Variants in SSBP2 observed in about 807,000 individuals in gnomAD.
SSBP2 encodes single-stranded DNA-binding protein 2.
A neutral mutation model predicts 61.8 loss-of-function variants in SSBP2; 17 were observed. The ratio of observed to expected loss-of-function variants is 0.28; its 90% CI spans 0.19 to 0.41. SSBP2 has a LOEUF of 0.41. Among genes scored for constraint, SSBP2 ranks in the 10% least tolerant of loss-of-function variants. The probability of loss-of-function intolerance (pLI) is 1.00; values close to 1 mark genes in which losing one functional copy is unlikely to be tolerated. For synonymous variants in SSBP2, 139 were observed against 141.3 expected, an observed-to-expected ratio of 0.98 and a Z score of 0.12; for missense variants, 310 against 458.7, an observed-to-expected ratio of 0.68 and a Z score of 2.96.
chr5:81,481,032 AG>A (rs1274855892), intron 6 of SSBP2, among the ~76,000 whole-genome samples: 1 of 152,214 alleles, frequency 6.6e-6, no homozygotes, highest in Non-Finnish European at 1.5e-5. Context: ...GTGGCAATTC[AG>A]TCACATCTTC....
At chr5:81,439,350 T>G (rs2153953102) in intron 14 of SSBP2, among the ~76,000 whole-genome samples, 1 of 152,296 alleles carries the variant, frequency 6.6e-6, no homozygotes, top group Middle Eastern at 3.4e-3. Context: ...TTGACCTATG[T>G]GAATGCAAAA....
chr5:81,552,681 A>C (rs1365530323), intron 4 of SSBP2, among the ~76,000 whole-genome samples: 1 of 151,870 alleles, frequency 6.6e-6, no homozygotes, highest in African/African-American at 2.4e-5. Context: ...AAAAAAACCC[A>C]AAGTAAAACA....
chr5:81,500,532 C>T (rs1767627809), intron 5 of SSBP2, among the ~76,000 whole-genome samples: 1 of 152,112 alleles, frequency 6.6e-6, no homozygotes, highest in African/African-American at 2.4e-5. Flanking sequence ...ACAATCTCGG[C>T]TCACTGCAAC....
At position 81,429,596 on chromosome 5, in the gene SSBP2, TTTTTTAG is replaced by T. The variant is rs1212846138; in HGVS notation, c.958-920_958-914del. Among the ~76,000 whole-genome samples the T allele has an allele frequency of 3.3e-5, 5 of 152,182 alleles. No homozygotes were observed. In the East Asian group the frequency reaches 9.6e-4, roughly 29 times the overall value. ...TAAAAAAAAACTTCAGAGTTAAACA[TTTTTTAG>T]TTGTTATTTCAAATGGAAGAAATAA... is the stretch of plus-strand genomic sequence containing the variant. On this transcript the variant is annotated intron_variant, in intron 15 of 16. Coordinates refer to ENST00000320672, the MANE Select transcript of SSBP2 (RefSeq NM_012446.5).
chr5:81,697,326 C>T lies in SSBP2; in HGVS notation c.63-46987G>A, dbSNP rs1412799085. Among the ~76,000 whole-genome samples, 8 of 152,324 alleles carry T rather than the reference C, an allele frequency of 5.3e-5. No individual in the cohort carries two copies. The East Asian group carries it at 1.4e-3, about 26-fold the overall frequency. ...TGAGGAGCAGGGAAAGGAAGACTCA[C>T]TGTAGTAGAAATGCTTTCAGACTGA... On this transcript the variant is annotated intron_variant, in intron 1 of 16. Coordinates refer to ENST00000320672, the MANE Select transcript of SSBP2 (RefSeq NM_012446.5).
At chr5:81,750,851 C>T (rs1757719505) in intron 1 of SSBP2, 130 bp downstream of exon 1, 1 of 1,036,124 alleles carries the variant, frequency 9.7e-7, no homozygotes, top group East Asian at 2.7e-5. Flanking sequence ...ATCGCGGCAC[C>T]CCTCCCCCTG....
At chr5:81,440,425 G>A (rs1057111165) in intron 14 of SSBP2, 133 bp downstream of exon 14, 3 of 642,890 alleles carry the variant, frequency 4.7e-6, no homozygotes, top group Non-Finnish European at 8.2e-6. Context: ...TAAACTATCT[G>A]TATGAGGTAA....
intron 10 of SSBP2, among the ~76,000 whole-genome samples, chr5:81,450,963 A>G (rs1446498911): frequency 6.6e-6 from 1 of 152,200 alleles, no homozygotes; most frequent in Admixed American, 6.5e-5. Flanking sequence ...TCATCTTAAC[A>G]AATATCTGGA....
chr5:81,751,225 C>T, upstream of SSBP2: 1 of 635,314 alleles, frequency 1.6e-6, no homozygotes, highest in Non-Finnish European at 2.7e-6. Flanking sequence ...TCCCTCTGGC[C>T]TTCCGAAGCG....
intron 5 of SSBP2, among the ~76,000 whole-genome samples, chr5:81,509,691 A>G (rs1768447934): frequency 6.6e-6 from 1 of 152,196 alleles, no homozygotes; most frequent in South Asian, 2.1e-4. Flanking sequence ...AGTACTTGGG[A>G]TTAGTTGAAA....
At chr5:81,736,812 T>C (rs1756653751) in intron 1 of SSBP2, among the ~76,000 whole-genome samples, 1 of 152,198 alleles carries the variant, frequency 6.6e-6, no homozygotes, top group Non-Finnish European at 1.5e-5. Flanking sequence ...AATACAATTC[T>C]AAAGAAAAGT....
chr5:81,712,125 G>A (rs1307448483), intron 1 of SSBP2, among the ~76,000 whole-genome samples: 4 of 149,024 alleles, frequency 2.7e-5, no homozygotes, highest in Admixed American at 1.4e-4. Context: ...TATGGTCTAA[G>A]TAAGTCATAC....
intron 1 of SSBP2, among the ~76,000 whole-genome samples, chr5:81,721,606 A>C (rs1755548588): frequency 7.1e-6 from 1 of 141,732 alleles, no homozygotes; most frequent in Non-Finnish European, 1.5e-5. Flanking sequence ...AACTGAAAAC[A>C]AAAACAAAAA....
chr5:81,495,743 CACCTTATATCTCATTATATCTT>C (rs1019167181), intron 5 of SSBP2, among the ~76,000 whole-genome samples: 3 of 152,114 alleles, frequency 2.0e-5, no homozygotes, highest in African/African-American at 7.2e-5. Context: ...ATATATAAGT[CACCTTATATCTCATTATATCTT>C]ACCTTATATC....
chr5:81,553,051 C>T (rs186567083), intron 4 of SSBP2, among the ~76,000 whole-genome samples: 1 of 152,082 alleles, frequency 6.6e-6, no homozygotes, highest in African/African-American at 2.4e-5. Context: ...TGCTGAGAAT[C>T]GGAAGAGGAG....
chr5:81,460,184 G>A (rs1764440527), intron 10 of SSBP2, among the ~76,000 whole-genome samples: 1 of 152,154 alleles, frequency 6.6e-6, no homozygotes, highest in Non-Finnish European at 1.5e-5. Context: ...GCTAGCCAAT[G>A]AAGATACCTT....
intron 15 of SSBP2, among the ~76,000 whole-genome samples, chr5:81,435,985 C>T (rs1265203985): frequency 4.0e-5 from 6 of 151,788 alleles, no homozygotes; most frequent in African/African-American, 9.7e-5. Flanking sequence ...GTCAGGAGTT[C>T]GAGACCAGCC....
Position 81,628,966 on chromosome 5 carries a change from C to A in SSBP2, c.197+7591G>T, listed in dbSNP as rs1166108132. Among the ~76,000 whole-genome samples, 3 of 152,184 alleles carry A rather than the reference C, an allele frequency of 2.0e-5. No homozygotes were observed. The South Asian group carries it at 6.2e-4, about 32-fold the overall frequency. On this transcript the variant is annotated intron_variant, in intron 3 of 16. Coordinates refer to ENST00000320672, the MANE Select transcript of SSBP2 (RefSeq NM_012446.5). ...TTTCCCCCGAGTCTACTAGTCTCTGCCTCTTTTCTCAACCCTCTTTAATCC... is the reference window on the plus strand; with the variant it reads ...TTTCCCCCGAGTCTACTAGTCTCTGACTCTTTTCTCAACCCTCTTTAATCC...
intron 5 of SSBP2, among the ~76,000 whole-genome samples, chr5:81,497,149 G>A (rs899319858): frequency 6.6e-6 from 1 of 152,114 alleles, no homozygotes; most frequent in Non-Finnish European, 1.5e-5. Context: ...CTCTTTTCTG[G>A]AACATTTTTG....
Sources: allele counts gnomAD v4.1 joint callset (sites outside exome capture counted in the v4.1 genomes callset), GRCh38; gene constraint gnomAD v4.1.1; transcripts MANE v1.5; gene names NCBI Gene and HGNC (gene_info 2026-07-23, HGNC 2026-07-21).